RNF217: variants seen among roughly 807,000 people sequenced by gnomAD.
RNF217 encodes E3 ubiquitin-protein ligase RNF217.
RNF217 carries 31 observed loss-of-function variants against 57.8 expected under a neutral mutation model. The observed-to-expected ratio is 0.54, with a 90% CI of 0.40 to 0.72. The LOEUF is 0.72. RNF217 is among the 30% of genes least tolerant of loss of function. RNF217 has a pLI of 0.00. For synonymous variants in RNF217, 313 were observed against 294.0 expected (o/e 1.06, Z -0.66); for missense variants, 696 against 708.3 (o/e 0.98, Z 0.20).
At chr6:125,053,838 T>C (rs1250064767) in intron 2 of RNF217, among the ~76,000 whole-genome samples, 1 of 152,154 alleles carries the variant, frequency 6.6e-6, no homozygotes, top group Admixed American at 6.6e-5. Flanking sequence ...AACTTTATTC[T>C]TGAAGCACTT....
rs771857682 is a variant in RNF217 at position 124,963,025 on chromosome 6, C to A, written c.481C>A (p.Gln161Lys). The A allele has an allele frequency of 4.4e-6, 7 of 1,593,296 alleles. 1 individual carries two copies. In the South Asian group the frequency reaches 7.8e-5, roughly 18 times the overall value. ...GCGGCGCCCGTCCCTCGCCAAGAGACAAGTCTTCTGCTCCGTGTACTGCGT... is the reference window on the plus strand; with the variant it reads ...GCGGCGCCCGTCCCTCGCCAAGAGAAAAGTCTTCTGCTCCGTGTACTGCGT... ...GQRRPSLAKR[Q>K]VFCSVYCVES... Residue 161 changes from glutamine to lysine, a missense_variant, in exon 1 of 6, where the codon CAA becomes AAA. By Grantham distance (53) the Gln-to-Lys change is moderately conservative. Transcript: ENST00000521654.
chr6:125,042,624 G>A (rs1377418018), intron 1 of RNF217, among the ~76,000 whole-genome samples: 1 of 152,076 alleles, frequency 6.6e-6, no homozygotes. Context: ...AAATACTGCA[G>A]TAGAAAAGAA....
intron 1 of RNF217, among the ~76,000 whole-genome samples, chr6:125,012,918 T>C (rs1486710337): frequency 1.3e-5 from 2 of 152,166 alleles, no homozygotes; most frequent in South Asian, 2.1e-4. Context: ...TCAGAACTTC[T>C]AGTAAAATAT....
intron 3 of RNF217, among the ~76,000 whole-genome samples, chr6:125,058,731 C>T (rs150694278): frequency 5.1e-4 from 77 of 152,244 alleles, no homozygotes; most frequent in African/African-American, 1.9e-3. Flanking sequence ...AAGCAAACAG[C>T]CAGGGAAGAC....
In RNF217 at chr6:125,084,156, G is replaced by A. The variant is rs1788698059; in HGVS notation, c.*1219G>A. 6.6e-6 allele frequency: 1 copy of A among 151,794 alleles called. No individual in the cohort carries two copies. The highest frequency in any genetic ancestry group is 2.4e-5 in the African/African-American group (1 of 41,360). 9.4% of individuals were successfully genotyped at this position (151,794 alleles called of 1,614,324 possible). A position where few individuals can be genotyped will look rare whatever the true frequency, so the allele number is the denominator to read the frequency against. The stretch of plus-strand genomic sequence containing the variant: ...CATAAAAACAAATACTAGTTTTGAA[G>A]GATTTTTTCTTACATTTAACTGCTC... On this transcript the variant is annotated 3_prime_UTR_variant, in exon 6 of 6. Transcript: ENST00000521654.
In RNF217 at chr6:125,091,654, TCTATAG is replaced by T. The variant is rs1368417897; in HGVS notation, c.*8720_*8725del. 2 of 152,160 alleles carry T rather than the reference TCTATAG, an allele frequency of 1.3e-5. No homozygotes were observed. The highest frequency in any genetic ancestry group is 2.9e-5 in the Non-Finnish European group (2 of 67,992). 9.4% of individuals were successfully genotyped at this position (152,160 alleles called of 1,614,324 possible). A position where few individuals can be genotyped will look rare whatever the true frequency, so the allele number is the denominator to read the frequency against. On this transcript the variant is annotated 3_prime_UTR_variant, in exon 6 of 6. Coordinates refer to ENST00000521654, the MANE Select transcript of RNF217 (RefSeq NM_001286398.3). The stretch of plus-strand genomic sequence containing the variant: ...GGAGTTGAAATGACTCTCAGTTTTA[TCTATAG>T]CTCCAATTAGGACAAAATTACTTTA...
intron 3 of RNF217, among the ~76,000 whole-genome samples, chr6:125,058,614 T>G (rs920806779): frequency 6.6e-6 from 1 of 152,196 alleles, no homozygotes; most frequent in Admixed American, 6.6e-5. Context: ...AATCAGGACT[T>G]AGGGATTTTA....
chr6:125,070,637 A>G (rs1042423301), intron 3 of RNF217, among the ~76,000 whole-genome samples: 1 of 152,162 alleles, frequency 6.6e-6, no homozygotes, highest in Admixed American at 6.5e-5. Flanking sequence ...GACTGTTGGT[A>G]TCTCTTCTTT....
chr6:124,988,537 T>C (rs1397550975), intron 1 of RNF217, among the ~76,000 whole-genome samples: 7 of 152,238 alleles, frequency 4.6e-5, no homozygotes, highest in Non-Finnish European at 7.3e-5. Flanking sequence ...AAGTACCTGC[T>C]GATAAGTAAT....
At chr6:124,974,099 A>G (rs947945545) in intron 1 of RNF217, among the ~76,000 whole-genome samples, 2 of 152,182 alleles carry the variant, frequency 1.3e-5, no homozygotes, top group Non-Finnish European at 2.9e-5. Context: ...TGGAAGCTGC[A>G]TGACATTTTC....
intron 1 of RNF217, chr6:125,009,093 T>C (rs1378245089): frequency 2.8e-6 from 2 of 707,966 alleles, no homozygotes; most frequent in African/African-American, 1.8e-5. Context: ...TGTGCTTTCC[T>C]GAACAGACGT....
In RNF217 at chr6:125,047,278, T is replaced by C. The variant is rs139928698; in HGVS notation, c.1116+1834T>C. Among the ~76,000 whole-genome samples the C allele has an allele frequency of 2.9e-3, 437 of 152,196 alleles. 2 individuals are homozygous for C. The highest frequency in any genetic ancestry group is 9.9e-3 in the African/African-American group (411 of 41,562). ...CTGAGTAACTTTTAAATGTGTTGTT[T>C]TTATGAAATGGGTAAAGGAGTTATA... On this transcript the variant is annotated intron_variant, in intron 2 of 5. Coordinates refer to ENST00000521654, the MANE Select transcript of RNF217 (RefSeq NM_001286398.3).
intron 1 of RNF217, among the ~76,000 whole-genome samples, chr6:124,984,705 A>C (rs6941072): frequency 0.33 from 50,046 of 151,848 alleles, 8,608 homozygotes; most frequent in South Asian, 0.47. Context: ...CTAGATGTGT[A>C]ATCAAATTTT....
chr6:125,056,174 A>G (rs1787517060), intron 2 of RNF217, among the ~76,000 whole-genome samples: 1 of 152,150 alleles, frequency 6.6e-6, no homozygotes, highest in East Asian at 1.9e-4. Context: ...CGTTTAGTAT[A>G]AGACTATAGT....
At chr6:125,071,494 G>A (rs1788141448) in intron 3 of RNF217, among the ~76,000 whole-genome samples, 2 of 125,576 alleles carry the variant, frequency 1.6e-5, no homozygotes, top group Non-Finnish European at 3.1e-5. Context: ...ATGTGTGTGT[G>A]TGTGTGTGTG....
chr6:125,062,281 G>A (rs955670474), intron 3 of RNF217, among the ~76,000 whole-genome samples: 3 of 151,936 alleles, frequency 2.0e-5, no homozygotes, highest in African/African-American at 7.2e-5. Flanking sequence ...TTTCTCAAAT[G>A]GATAGACCAA....
intron 1 of RNF217, chr6:124,983,374 C>T (rs1427503709): frequency 2.0e-6 from 2 of 984,708 alleles, no homozygotes; most frequent in African/African-American, 1.7e-5. Context: ...ATTTAGTATA[C>T]AGAGGAGGAC....
intron 3 of RNF217, among the ~76,000 whole-genome samples, chr6:125,066,252 T>C (rs112279020): frequency 0.016 from 2,409 of 152,296 alleles, 73 homozygotes; most frequent in African/African-American, 0.054. Context: ...AGAATGATGC[T>C]GTTAAACATA....
intron 1 of RNF217, among the ~76,000 whole-genome samples, chr6:125,013,383 G>A (rs949484681): frequency 6.6e-5 from 10 of 151,238 alleles, no homozygotes; most frequent in Non-Finnish European, 1.3e-4. Context: ...GTGTGTGTGT[G>A]TGTGTGCTGT....
Sources: gnomAD v4.1 joint callset for allele counts (sites outside exome capture counted in the v4.1 genomes callset) on GRCh38, gnomAD v4.1.1 for gene constraint, MANE v1.5 for transcripts, NCBI Gene and HGNC (gene_info 2026-07-23, HGNC 2026-07-21) for gene names.